Variants in MAD1L1 observed in about 807,000 individuals in gnomAD.
MAD1L1 encodes the protein mitotic arrest deficient 1 like 1, also known as mitotic spindle assembly checkpoint protein MAD1.
MAD1L1 carries 95 observed loss-of-function variants against 96.9 expected under a neutral mutation model. The observed-to-expected ratio is 0.98, with a 90% CI of 0.83 to 1.16. The LOEUF is 1.16. MAD1L1 is among the 50% of genes most tolerant of loss of function. MAD1L1 has a pLI of 0.00. For synonymous variants in MAD1L1, 473 were observed against 396.6 expected (o/e 1.19, Z -2.29); for missense variants, 1,007 against 954.4 (o/e 1.06, Z -0.73).
chr7:2,010,150 C>T (rs1340975255), intron 13 of MAD1L1, among the ~76,000 whole-genome samples: 2 of 130,226 alleles, frequency 1.5e-5, no homozygotes, highest in African/African-American at 2.9e-5. Flanking sequence ...ATGAGGGAAA[C>T]ATCACCAACA....
At chr7:2,213,359 G>T in intron 9 of MAD1L1, 86 bp from the exon 10 acceptor site, 1 of 1,251,570 alleles carries the variant, frequency 8.0e-7, no homozygotes, top group Non-Finnish European at 1.2e-6. Context: ...ACGGTGCTAA[G>T]TCCCTGACCT....
At chr7:1,994,835 G>C (rs1781489941) in intron 14 of MAD1L1, among the ~76,000 whole-genome samples, 1 of 152,182 alleles carries the variant, frequency 6.6e-6, no homozygotes, top group Non-Finnish European at 1.5e-5. Context: ...TGTCTGCAAG[G>C]GTTTTGTTTT....
At position 1,938,839 on chromosome 7, in the gene MAD1L1, G is replaced by GGC. The variant is rs1353109330; in HGVS notation, c.1597-1944_1597-1943dup. 8.6e-4 allele frequency among the ~76,000 whole-genome samples: 65 copies of GGC among 75,948 alleles called. 1 individual carries two copies. Among genetic ancestry groups the GGC allele is most frequent in the East Asian group, 1.3e-3 (3 of 2,376 alleles). The allele number at this position is 75,948 out of a possible 152,430, so 49.8% of individuals were successfully genotyped here. A position where few individuals can be genotyped will look rare whatever the true frequency, so the allele number is the denominator to read the frequency against. The stretch of plus-strand genomic sequence containing the variant: ...CACACGGGCCAGGGCCGGGGCCAGA[G>GGC]GCACACACACACACACACACACACA... On this transcript the variant is annotated intron_variant, in intron 16 of 18. Coordinates refer to ENST00000265854, the MANE Select transcript of MAD1L1 (RefSeq NM_001013836.2).
At chr7:2,061,885 C>T (rs929959427) in intron 12 of MAD1L1, among the ~76,000 whole-genome samples, 4 of 152,136 alleles carry the variant, frequency 2.6e-5, no homozygotes, top group South Asian at 2.1e-4. Flanking sequence ...ACAAAGATAA[C>T]GTGTAATGGA....
At chr7:2,089,051 G>A (rs911851282) in intron 11 of MAD1L1, 1 of 152,318 alleles carries the variant, frequency 6.6e-6, no homozygotes, top group Non-Finnish European at 1.5e-5. Flanking sequence ...AAGCAGGCAG[G>A]GATGGGTGTG....
At chr7:2,057,337 C>T (rs1467057754) in intron 12 of MAD1L1, among the ~76,000 whole-genome samples, 2 of 152,198 alleles carry the variant, frequency 1.3e-5, no homozygotes, top group Non-Finnish European at 2.9e-5. Flanking sequence ...GCCAACGTGG[C>T]AAAATCCATC....
chr7:2,063,869 G>A (rs1472674235), intron 12 of MAD1L1, among the ~76,000 whole-genome samples: 1 of 152,174 alleles, frequency 6.6e-6, no homozygotes, highest in Non-Finnish European at 1.5e-5. Context: ...CCCTCGCTCT[G>A]CCCTCAGCAC....
chr7:1,861,421 GAGGGAC>G (rs1171260078), intron 18 of MAD1L1, among the ~76,000 whole-genome samples: 19 of 151,068 alleles, frequency 1.3e-4, no homozygotes, highest in African/African-American at 4.6e-4. Context: ...CCCCTGGTTG[GAGGGAC>G]ACTGCTCCGC....
intron 18 of MAD1L1, among the ~76,000 whole-genome samples, chr7:1,890,874 T>G (rs1177414899): frequency 3.9e-5 from 6 of 152,364 alleles, no homozygotes; most frequent in Non-Finnish European, 8.8e-5. Flanking sequence ...GTTCTCATTT[T>G]TCCTGGGGAG....
intron 18 of MAD1L1, chr7:1,846,913 C>T (rs998522909): frequency 6.9e-6 from 2 of 290,842 alleles, no homozygotes; most frequent in Non-Finnish European, 1.3e-5. Flanking sequence ...TCTGCCAGCT[C>T]GTGGGGCTTG....
chr7:2,086,715 C>T (rs906073809), intron 11 of MAD1L1, among the ~76,000 whole-genome samples: 1 of 152,188 alleles, frequency 6.6e-6, no homozygotes, highest in African/African-American at 2.4e-5. Context: ...CCACACCCAG[C>T]TAATTTTTTT....
chr7:2,215,588 G>C (rs1261897341), intron 9 of MAD1L1, among the ~76,000 whole-genome samples: 1 of 151,990 alleles, frequency 6.6e-6, no homozygotes, highest in East Asian at 1.9e-4. Flanking sequence ...TCCACACCCA[G>C]CAAGAGCTGC....
At chr7:1,869,161 T>A (rs372520109) in intron 18 of MAD1L1, among the ~76,000 whole-genome samples, 1 of 152,022 alleles carries the variant, frequency 6.6e-6, no homozygotes, top group Admixed American at 6.5e-5. Context: ...GCTGCCGGCA[T>A]GGGGCGGGGT....
intron 1 of MAD1L1, among the ~76,000 whole-genome samples, chr7:2,231,931 G>A (rs1173285841): frequency 6.6e-6 from 1 of 152,142 alleles, no homozygotes; most frequent in Non-Finnish European, 1.5e-5. Context: ...ACGGCTGCAG[G>A]TTGACCAGCA....
intron 17 of MAD1L1, among the ~76,000 whole-genome samples, chr7:1,910,250 C>A (rs993209552): frequency 1.3e-5 from 2 of 152,154 alleles, no homozygotes; most frequent in African/African-American, 4.8e-5. Context: ...GGAACCTTGG[C>A]GGAAGGAGGG....
intron 12 of MAD1L1, among the ~76,000 whole-genome samples, chr7:2,037,969 G>A (rs1783513615): frequency 1.3e-5 from 2 of 152,206 alleles, no homozygotes; most frequent in Non-Finnish European, 2.9e-5. Flanking sequence ...CCGAAAGCCA[G>A]GCCTCTCGTG....
intron 12 of MAD1L1, among the ~76,000 whole-genome samples, chr7:2,054,085 C>T (rs1784295633): frequency 6.6e-6 from 1 of 152,266 alleles, no homozygotes; most frequent in African/African-American, 2.4e-5. Context: ...CACTGCTGCT[C>T]CCAGCCCACC....
intron 11 of MAD1L1, among the ~76,000 whole-genome samples, chr7:2,143,494 G>A (rs1274735299): frequency 6.6e-6 from 1 of 151,812 alleles, no homozygotes; most frequent in African/African-American, 2.4e-5. Flanking sequence ...GGAGGTGACA[G>A]AAACCTGAGG....
At chr7:1,894,259 C>T (rs138587806) in intron 18 of MAD1L1, among the ~76,000 whole-genome samples, 11 of 152,204 alleles carry the variant, frequency 7.2e-5, no homozygotes, top group African/African-American at 2.4e-4. Flanking sequence ...AGGAGGCCAA[C>T]GGCCTCACCC....
Sources: gnomAD v4.1 joint callset for allele counts (sites outside exome capture counted in the v4.1 genomes callset) on GRCh38, gnomAD v4.1.1 for gene constraint, MANE v1.5 for transcripts, NCBI Gene and HGNC (gene_info 2026-07-23, HGNC 2026-07-21) for gene names.